Variants in ZNF416 observed in about 807,000 individuals in gnomAD.
The protein encoded by ZNF416 is zinc finger protein 416.
A neutral mutation model predicts 10.9 loss-of-function variants in ZNF416; 5 were observed. That is an observed-to-expected ratio of 0.46 (90% CI 0.24 to 0.97). The LOEUF is 0.97. Among genes scored for constraint, ZNF416 ranks in the 50% least tolerant of loss-of-function variants. The probability of loss-of-function intolerance (pLI) is 0.19; values close to 1 mark genes in which losing one functional copy is unlikely to be tolerated. For synonymous variants in ZNF416, 267 were observed against 251.8 expected (o/e 1.06, Z -0.57); for missense variants, 675 against 715.0 (o/e 0.94, Z 0.64).
At chr19:57,576,236 CA>C (rs1978530706) in intron 2 of ZNF416, among the ~76,000 whole-genome samples, 1 of 152,136 alleles carries the variant, frequency 6.6e-6, no homozygotes, top group South Asian at 2.1e-4. Flanking sequence ...CACTCACATA[CA>C]AACAATGATG....
intron 1 of ZNF416, among the ~76,000 whole-genome samples, 182 bp from the exon 2 acceptor site, chr19:57,578,280 C>T (rs1055968318): frequency 3.9e-5 from 6 of 152,192 alleles, no homozygotes; most frequent in Non-Finnish European, 8.8e-5. Flanking sequence ...ACTCAACTTC[C>T]CTGTGCCTCG....
At chr19:57,578,218 A>G (rs1166930628) in intron 1 of ZNF416, 120 bp from the exon 2 acceptor site, 2 of 958,934 alleles carry the variant, frequency 2.1e-6, no homozygotes, top group Non-Finnish European at 3.3e-6. Context: ...CTAAATTATT[A>G]TTGCTCCTCA....
At chr19:57,573,810 T>C in intron 3 of ZNF416, 109 bp from the exon 4 acceptor site, 1 of 1,418,040 alleles carries the variant, frequency 7.1e-7, no homozygotes, top group Middle Eastern at 2.6e-4. Context: ...CTTAAAAACT[T>C]TGCTGGCCTG....
At position 57,573,354 on chromosome 19, in the gene ZNF416, A is replaced by G; in HGVS notation, c.550T>C (p.Leu184=). ...SEVGKDFLAP[L]GILQPQAIAN... is the part of the protein sequence containing the mutation. The stretch of plus-strand genomic sequence containing the variant: ...ATAGCTTGCGGCTGAAGAATGCCCA[A>G]TGGGGCTAGGAAGTCCTTCCCAACC... The change falls in exon 4 of 4, where the codon TTG becomes CTG. Residue 184 remains leucine, a synonymous_variant. Coordinates refer to ENST00000196489, the MANE Select transcript of ZNF416 (RefSeq NM_017879.3). 2 of 1,614,244 alleles carry G rather than the reference A, an allele frequency of 1.2e-6. No homozygotes were observed. Among genetic ancestry groups the G allele is most frequent in the Non-Finnish European group, 1.7e-6 (2 of 1,180,032 alleles).
chr19:57,573,237 C>T lies in ZNF416; in HGVS notation c.667G>A (p.Glu223Lys), dbSNP rs780423433. The T allele has an allele frequency of 1.2e-6, 2 of 1,614,254 alleles. No individual in the cohort carries two copies. Among genetic ancestry groups the T allele is most frequent in the Non-Finnish European group, 1.7e-6 (2 of 1,180,048 alleles). The change falls in exon 4 of 4, where the codon GAG becomes AAG. Residue 223 changes from glutamate (E) to lysine (K), a missense_variant. Physicochemically the swap from Glu to Lys is moderately conservative, Grantham distance 56 (BLOSUM62 1). Transcript: ENST00000196489. The stretch of plus-strand genomic sequence containing the variant: ...AAAAAAGTGTGTTTGTGGCTGGACT[C>T]TCTCCTGCATTGACTCCACTTGTAA... Reference protein sequence around the residue: ...SHYKWSQCRRESSHKHTFFHP... With the variant: ...SHYKWSQCRRKSSHKHTFFHP...
In ZNF416 at chr19:57,578,038, C is replaced by T. The variant is rs778225112; in HGVS notation, c.75+19G>A. 9.9e-6 allele frequency: 16 copies of T among 1,614,042 alleles called. No individual in the cohort carries two copies. The highest frequency in any genetic ancestry group is 1.3e-5 in the Non-Finnish European group (15 of 1,179,928). On this transcript the variant is annotated intron_variant, in intron 2 of 3. Transcript: ENST00000196489. ...ACTGGGGTCAGCATCAGTGAGGGCCCGAAACACTCTCCACTCACCTGTGTA... is the reference window on the plus strand; with the variant it reads ...ACTGGGGTCAGCATCAGTGAGGGCCTGAAACACTCTCCACTCACCTGTGTA...
At chr19:57,576,063 G>T (rs577985776) in intron 2 of ZNF416, 133 bp from the exon 3 acceptor site, 2 of 1,146,762 alleles carry the variant, frequency 1.7e-6, no homozygotes, top group South Asian at 3.0e-5. Context: ...AAGACCTGGT[G>T]GCACTGATTC....
Position 57,578,788 on chromosome 19 carries a change from C to T in ZNF416, c.-84G>A. 1 of 1,327,600 alleles carries T rather than the reference C, an allele frequency of 7.5e-7. No individual in the cohort carries two copies. The highest frequency in any genetic ancestry group is 3.1e-5 in the East Asian group (1 of 32,770). 82.2% of individuals were successfully genotyped at this position (1,327,600 alleles called of 1,614,324 possible). ...ACGGCTGCCACCAGCGCCAGCGACC[C>T]ACCGGCTGATGCGCAGCGGGGCGAC... is the stretch of plus-strand genomic sequence containing the variant. On this transcript the variant is annotated 5_prime_UTR_variant, in exon 1 of 4. Transcript: ENST00000196489.
In ZNF416 at chr19:57,573,388, G is replaced by C; in HGVS notation, c.516C>G (p.Thr172=). The C allele has an allele frequency of 1.2e-6, 2 of 1,614,214 alleles. No individual in the cohort carries two copies. The highest frequency in any genetic ancestry group is 8.5e-7 in the Non-Finnish European group (1 of 1,180,048). ...GGAAGTCCTTCCCAACCTCACTGCT[G>C]GTGAAAGGCATTCCTGACTCATGGA... ...CLFHESGMPF[T]SSEVGKDFLA... Residue 172 remains threonine, a synonymous_variant, in exon 4 of 4, where the codon ACC becomes ACG. Transcript: ENST00000196489.
chr19:57,572,333 C>G lies in ZNF416; in HGVS notation c.1571G>C (p.Cys524Ser), dbSNP rs2090198066. The stretch of plus-strand genomic sequence containing the variant: ...GATAAAGGATTTCCCGCACTGTCCA[C>G]AGTCGTAAGGCCTTAATCCAGTGTG... ...KIHTGLRPYD[C>S]GQCGKSFIQK... Residue 524 changes from cysteine (C) to serine (S), a missense_variant, in exon 4 of 4, where the codon TGT becomes TCT. Transcript: ENST00000196489. This position sits in a 1 kb window ranked among gnomAD's most constrained non-coding sequence, Gnocchi z 4.5. 1.2e-6 allele frequency: 2 copies of G among 1,614,190 alleles called. No individual in the cohort carries two copies. The highest frequency in any genetic ancestry group is 1.7e-6 in the Non-Finnish European group (2 of 1,180,036).
rs1476665782 is a variant in ZNF416, at chr19:57,571,648, G to A, written c.*471C>T. The A allele has an allele frequency of 6.4e-6, 1 of 156,664 alleles. No homozygotes were observed. Among genetic ancestry groups the A allele is most frequent in the Non-Finnish European group, 1.4e-5 (1 of 70,354 alleles). The allele number at this position is 156,664 out of a possible 1,614,324, so 9.7% of individuals were successfully genotyped here. On this transcript the variant is annotated 3_prime_UTR_variant, in exon 4 of 4. Coordinates refer to ENST00000196489, the MANE Select transcript of ZNF416 (RefSeq NM_017879.3). ...GTTACTAGGTGGTGACTTGGAGGCT[G>A]GAAAAACTACCAAGTGTTGTGTGAA...
rs1421751571 is a variant in ZNF416, at chr19:57,572,877, C to G, written c.1027G>C (p.Glu343Gln). Residue 343 changes from glutamate (E) to glutamine (Q), a missense_variant, in exon 4 of 4, where the codon GAA becomes CAA. Physicochemically the swap from Glu to Gln is conservative, Grantham distance 29. Coordinates refer to ENST00000196489, the MANE Select transcript of ZNF416 (RefSeq NM_017879.3). This position sits in a 1 kb window ranked among gnomAD's most constrained non-coding sequence, Gnocchi z 4.5. ...KSFSQSSNLI[E>Q]HCRIHTGERP... is the part of the protein sequence containing the mutation. ...TCTCCAGTGTGAATTCTGCAATGTT[C>G]AATAAGGTTGGAACTTTGGCTAAAA... 1.2e-6 allele frequency: 2 copies of G among 1,613,732 alleles called. No individual in the cohort carries two copies. Among genetic ancestry groups the G allele is most frequent in the Non-Finnish European group, 1.7e-6 (2 of 1,179,826 alleles).
At position 57,577,984 on chromosome 19, in the gene ZNF416, AGTCCCAG is replaced by A. The variant is rs200272904; in HGVS notation, c.75+66_75+72del. On this transcript the variant is annotated intron_variant, in intron 2 of 3. Coordinates refer to ENST00000196489, the MANE Select transcript of ZNF416 (RefSeq NM_017879.3). ...AGGACCCAAAGAGTGCCAAGAGAAG[AGTCCCAG>A]AACACAATCTCAGAGACAAACACTG... 3 of 1,527,514 alleles carry A rather than the reference AGTCCCAG, an allele frequency of 2.0e-6. No homozygotes were observed. The East Asian group carries it at 6.8e-5, about 34-fold the overall frequency. The allele number at this position is 1,527,514 out of a possible 1,614,324, so 94.6% of individuals were successfully genotyped here.
Position 57,573,549 on chromosome 19 carries a change from G to C in ZNF416, c.355C>G (p.Leu119Val). 2.5e-6 allele frequency: 4 copies of C among 1,614,218 alleles called. No individual in the cohort carries two copies. The highest frequency in any genetic ancestry group is 3.4e-6 in the Non-Finnish European group (4 of 1,180,048). The change falls in exon 4 of 4, where the codon CTG becomes GTG. Residue 119 changes from leucine (L) to valine (V), a missense_variant. Coordinates refer to ENST00000196489, the MANE Select transcript of ZNF416 (RefSeq NM_017879.3). ...CVPFLTDILH[L>V]TDLPGQELYL... ...AGTTCCTGCCCAGGCAAATCGGTCA[G>C]GTGCAAAATGTCGGTCAGGAATGGG...
At position 57,572,003 on chromosome 19, in the gene ZNF416, T is replaced by C. The variant is rs896567591; in HGVS notation, c.*116A>G. The stretch of plus-strand genomic sequence containing the variant: ...CATCGGGAGGTCTAGAAGTATGAGG[T>C]TTAACTTTAGGCAGACGGCTCCTTC... On this transcript the variant is annotated 3_prime_UTR_variant, in exon 4 of 4. Transcript: ENST00000196489. The surrounding 1 kb of genome is among the most constrained non-coding windows in gnomAD (Gnocchi z 4.5). The C allele has an allele frequency of 2.4e-5, 33 of 1,385,336 alleles. No homozygotes were observed. The highest frequency in any genetic ancestry group is 3.2e-5 in the Non-Finnish European group (33 of 1,018,528). 85.8% of individuals were successfully genotyped at this position (1,385,336 alleles called of 1,614,324 possible).
chr19:57,573,081 A>G lies in ZNF416; in HGVS notation c.823T>C (p.Cys275Arg), dbSNP rs1978372471. The change falls in exon 4 of 4, where the codon TGT (cysteine) becomes CGT (arginine). Residue 275 changes from cysteine (C) to arginine (R), a missense_variant. Cys to Arg is a radical substitution (Grantham distance 180, BLOSUM62 -3). Transcript: ENST00000196489. ...PGERPYECSE[C>R]GKSFSQTSHL... ...GAGGTTTGGCTAAAAGATTTCCCAC[A>G]TTCACTGCACTCATAAGGCCTTTCT... The G allele has an allele frequency of 1.2e-6, 2 of 1,614,128 alleles. No homozygotes were observed. Among genetic ancestry groups the G allele is most frequent in the South Asian group, 1.1e-5 (1 of 91,090 alleles).
At position 57,575,790 on chromosome 19, in the gene ZNF416, T is replaced by C. The variant is rs1241874479; in HGVS notation, c.202+14A>G. The C allele has an allele frequency of 5.0e-6, 8 of 1,613,922 alleles. No individual in the cohort carries two copies. The highest frequency in any genetic ancestry group is 5.9e-6 in the Non-Finnish European group (7 of 1,179,914). The stretch of plus-strand genomic sequence containing the variant: ...ACGAAGACCAGGACACGAGAGTGGG[T>C]GTGAGGGCCTTACCCAGCGCAGTTA... On this transcript the variant is annotated intron_variant, in intron 3 of 3. Transcript: ENST00000196489. This position sits in a 1 kb window ranked among gnomAD's most constrained non-coding sequence, Gnocchi z 4.4.
At position 57,573,251 on chromosome 19, in the gene ZNF416, C is replaced by T. The variant is rs1016068805; in HGVS notation, c.653G>A (p.Ser218Asn). The T allele has an allele frequency of 6.2e-7, 1 of 1,614,272 alleles. No homozygotes were observed. Among genetic ancestry groups the T allele is most frequent in the South Asian group, 1.1e-5 (1 of 91,092 alleles). ...GTGGCTGGACTCTCTCCTGCATTGA[C>T]TCCACTTGTAATGACTTATTCCAAC... ...FHVGISHYKW[S>N]QCRRESSHKH... The change falls in exon 4 of 4, where the codon AGT (serine) becomes AAT (asparagine). Residue 218 changes from serine to asparagine, a missense_variant. Coordinates refer to ENST00000196489, the MANE Select transcript of ZNF416 (RefSeq NM_017879.3).
At chr19:57,576,105 T>C (rs1425497726) in intron 2 of ZNF416, among the ~76,000 whole-genome samples, 175 bp from the exon 3 acceptor site, 1 of 152,148 alleles carries the variant, frequency 6.6e-6, no homozygotes, top group Non-Finnish European at 1.5e-5. Context: ...ATCATCACTG[T>C]GTCTTCCCAC....
Sources: allele counts gnomAD v4.1 joint callset (sites outside exome capture counted in the v4.1 genomes callset), GRCh38; gene constraint gnomAD v4.1.1; non-coding constraint Gnocchi (gnomAD v3.1); transcripts MANE v1.5; gene names NCBI Gene and HGNC (gene_info 2026-07-23, HGNC 2026-07-21).